The following IQCJ variants were observed in gnomAD, a reference collection of about 807,000 sequenced individuals.
IQCJ encodes IQ domain-containing protein J.
A neutral mutation model predicts 11.0 loss-of-function variants in IQCJ; 9 were observed. The observed-to-expected ratio is 0.82, with a 90% confidence interval of 0.49 to 1.43. IQCJ has a LOEUF of 1.43. Among genes scored for constraint, IQCJ ranks in the 40% most tolerant of loss-of-function variants. The probability of loss-of-function intolerance (pLI) is 0.00; values close to 1 mark genes in which losing one functional copy is unlikely to be tolerated. For synonymous variants in IQCJ, 55 were observed against 51.3 expected, an observed-to-expected ratio of 1.07 and a Z score of -0.31; for missense variants, 146 against 133.2, an observed-to-expected ratio of 1.10 and a Z score of -0.47.
At chr3:159,242,558 G>A (rs1726988902) in intron 1 of IQCJ, among the ~76,000 whole-genome samples, 1 of 139,670 alleles carries the variant, frequency 7.2e-6, no homozygotes, top group Non-Finnish European at 1.5e-5. Flanking sequence ...AAAGCCACAT[G>A]CCAGCTGAAT....
chr3:159,182,810 G>A (rs1261173294), intron 1 of IQCJ, among the ~76,000 whole-genome samples: 1 of 148,158 alleles, frequency 6.7e-6, no homozygotes, highest in African/African-American at 2.5e-5. Flanking sequence ...TTCTATCAAT[G>A]TCTGTAATCT....
At chr3:159,095,548 T>C (rs1236512361) in intron 1 of IQCJ, among the ~76,000 whole-genome samples, 14 of 114,248 alleles carry the variant, frequency 1.2e-4, no homozygotes, top group Middle Eastern at 7.8e-3. Flanking sequence ...CAGAGTGTGA[T>C]ATTCCCCTTC....
At chr3:159,204,482 G>T (rs537629257) in intron 1 of IQCJ, among the ~76,000 whole-genome samples, 21 of 152,320 alleles carry the variant, frequency 1.4e-4, no homozygotes, top group African/African-American at 4.6e-4. Flanking sequence ...TGGCTAGTTT[G>T]AATTTCTTAT....
In IQCJ at chr3:159,218,914, C is replaced by T. The variant is rs116015894; in HGVS notation, c.10-26929C>T. Among the ~76,000 whole-genome samples, 676 of 152,102 alleles carry T rather than the reference C, an allele frequency of 4.4e-3. 4 individuals are homozygous for T. The highest frequency in any genetic ancestry group is 0.013 in the South Asian group (63 of 4,816). On this transcript the variant is annotated intron_variant, in intron 1 of 3. Transcript: ENST00000397832. ...GGCTCTAGGAGAGAATCAATTCACT[C>T]GTTTACCCCAGCATGTCTTGGTTTA... is the stretch of plus-strand genomic sequence containing the variant.
At chr3:159,247,533 T>A (rs1365525668) in intron 2 of IQCJ, among the ~76,000 whole-genome samples, 1 of 152,176 alleles carries the variant, frequency 6.6e-6, no homozygotes, top group Non-Finnish European at 1.5e-5. Context: ...ATCTACTGTA[T>A]GAGATGGGAA....
In IQCJ at chr3:159,216,257, C is replaced by G. The variant is rs1004378555; in HGVS notation, c.10-29586C>G. On this transcript the variant is annotated intron_variant, in intron 1 of 3. Transcript: ENST00000397832. ...GTAGGTGAATAGCAAATGAGAGATC[C>G]TTCTTTTTAAATTGTCTGTCAACCA... 2.6e-5 allele frequency among the ~76,000 whole-genome samples: 4 copies of G among 152,164 alleles called. No homozygotes were observed. In the East Asian group the frequency reaches 5.8e-4, roughly 22 times the overall value.
At chr3:159,172,891 A>G (rs1436804277) in intron 1 of IQCJ, among the ~76,000 whole-genome samples, 1 of 152,184 alleles carries the variant, frequency 6.6e-6, no homozygotes, top group East Asian at 1.9e-4. Context: ...AAGAAACTCC[A>G]TTTATATCCT....
chr3:159,114,326 T>TTTC (rs3051449), intron 1 of IQCJ, among the ~76,000 whole-genome samples: 1 of 151,752 alleles, frequency 6.6e-6, no homozygotes, highest in Admixed American at 6.6e-5. Context: ...TTTTTTTTTT[T>TTTC]CTGAGACGTA....
At chr3:159,085,891 T>G (rs1716721463) in intron 1 of IQCJ, among the ~76,000 whole-genome samples, 1 of 150,958 alleles carries the variant, frequency 6.6e-6, no homozygotes. Flanking sequence ...GATGGTAGTT[T>G]CTTTTGCTGT....
At chr3:159,088,504 A>G (rs1716972332) in intron 1 of IQCJ, among the ~76,000 whole-genome samples, 1 of 152,068 alleles carries the variant, frequency 6.6e-6, no homozygotes, top group Admixed American at 6.5e-5. Context: ...GATCTGTCTA[A>G]TGTTGACAGT....
chr3:159,180,105 G>A (rs1723010687), intron 1 of IQCJ, among the ~76,000 whole-genome samples: 1 of 152,154 alleles, frequency 6.6e-6, no homozygotes, highest in South Asian at 2.1e-4. Flanking sequence ...AGGTGGGGTT[G>A]GAAGGAAAGG....
intron 1 of IQCJ, among the ~76,000 whole-genome samples, chr3:159,128,103 C>G (rs1214889287): frequency 1.3e-5 from 2 of 152,162 alleles, no homozygotes; most frequent in Non-Finnish European, 2.9e-5. Flanking sequence ...TAAGGCAACA[C>G]AGAATTTTTT....
chr3:159,217,069 A>G (rs1190590698), intron 1 of IQCJ, among the ~76,000 whole-genome samples: 6 of 152,166 alleles, frequency 3.9e-5, no homozygotes, highest in Admixed American at 6.5e-5. Flanking sequence ...GATAATGCCA[A>G]GTCAGTCAGT....
chr3:159,196,703 A>G (rs866180545), intron 1 of IQCJ, among the ~76,000 whole-genome samples: 2 of 152,146 alleles, frequency 1.3e-5, no homozygotes, highest in South Asian at 4.1e-4. Context: ...CAGTCTTATT[A>G]CTGCCCTACC....
chr3:159,199,551 T>G (rs531347694), intron 1 of IQCJ, among the ~76,000 whole-genome samples: 1 of 152,284 alleles, frequency 6.6e-6, no homozygotes, highest in East Asian at 1.9e-4. Context: ...TGTGGCAGTT[T>G]ATTACAGCAG....
At chr3:159,177,039 G>A (rs557639078) in intron 1 of IQCJ, among the ~76,000 whole-genome samples, 5 of 152,248 alleles carry the variant, frequency 3.3e-5, no homozygotes, top group African/African-American at 1.2e-4. Context: ...GCTAGAAAGT[G>A]GATGTTGATC....
At chr3:159,230,295 T>C (rs1726169839) in intron 1 of IQCJ, among the ~76,000 whole-genome samples, 1 of 152,224 alleles carries the variant, frequency 6.6e-6, no homozygotes, top group Admixed American at 6.5e-5. Context: ...CTATCACTGA[T>C]GGGCAGCTAG....
chr3:159,263,782 ATAAGT>A (rs1215643389), downstream of IQCJ: 2 of 985,232 alleles, frequency 2.0e-6, no homozygotes, highest in African/African-American at 3.5e-5. Context: ...AAGAGAGAGA[ATAAGT>A]TGAGTTTATA....
intron 1 of IQCJ, among the ~76,000 whole-genome samples, chr3:159,202,047 C>G (rs1724379171): frequency 6.6e-6 from 1 of 152,142 alleles, no homozygotes; most frequent in Non-Finnish European, 1.5e-5. Flanking sequence ...ACTTGGGCAA[C>G]TCATTTCACT....
Sources: allele counts gnomAD v4.1 joint callset (sites outside exome capture counted in the v4.1 genomes callset), GRCh38; gene constraint gnomAD v4.1.1; transcripts MANE v1.5; gene names NCBI Gene and HGNC (gene_info 2026-07-23, HGNC 2026-07-21).